The following MYO16 variants were observed in gnomAD, a reference collection of about 807,000 sequenced individuals.
MYO16 encodes the protein myosin XVI.
Under a neutral mutation model 205.3 loss-of-function variants are expected in MYO16, and 94 were observed. The observed-to-expected ratio is 0.46, with a 90% CI of 0.39 to 0.54. The LOEUF (loss-of-function observed/expected upper bound fraction) is 0.54. Ranked by LOEUF, MYO16 falls within the 20% of genes least tolerant of loss-of-function variation. MYO16 has a pLI of 0.00. For missense variants in MYO16, 2,315 were observed against 2,387.5 expected (o/e 0.97, Z 0.63); for synonymous variants, 988 against 954.0 (o/e 1.04, Z -0.66).
At chr13:109,032,831 C>T (rs1886584984) in intron 23 of MYO16, among the ~76,000 whole-genome samples, 1 of 152,038 alleles carries the variant, frequency 6.6e-6, no homozygotes, top group African/African-American at 2.4e-5. Context: ...ATGTAGATTT[C>T]AATATCAGAA....
intron 23 of MYO16, among the ~76,000 whole-genome samples, chr13:109,024,342 A>G (rs529978021): frequency 2.0e-5 from 3 of 152,100 alleles, no homozygotes; most frequent in African/African-American, 7.2e-5. Flanking sequence ...GTAAGCGGAT[A>G]TGTACTTGAT....
At chr13:108,968,205 A>G (rs1185506623) in intron 20 of MYO16, among the ~76,000 whole-genome samples, 2 of 152,082 alleles carry the variant, frequency 1.3e-5, no homozygotes, top group East Asian at 3.9e-4. Flanking sequence ...GCTGCATCAG[A>G]CACTCATGTG....
intron 27 of MYO16, among the ~76,000 whole-genome samples, chr13:109,088,646 G>A (rs542170602): frequency 3.3e-5 from 5 of 152,322 alleles, no homozygotes; most frequent in African/African-American, 1.2e-4. Flanking sequence ...GGATTAAGAC[G>A]GTGCTGCGGA....
chr13:109,064,497 T>C (rs1181972212), intron 27 of MYO16, among the ~76,000 whole-genome samples: 3 of 152,192 alleles, frequency 2.0e-5, no homozygotes, highest in African/African-American at 7.2e-5. Context: ...GAACAAAAAA[T>C]CCTAAATCAG....
chr13:109,190,391 T>C (rs758913491), intron 34 of MYO16, among the ~76,000 whole-genome samples: 1 of 152,186 alleles, frequency 6.6e-6, no homozygotes, highest in Admixed American at 6.5e-5. Context: ...TGACATATAA[T>C]CAGTCAGTGT....
At chr13:109,074,835 C>T (rs1366644757) in intron 27 of MYO16, among the ~76,000 whole-genome samples, 11 of 152,214 alleles carry the variant, frequency 7.2e-5, no homozygotes, top group Non-Finnish European at 1.5e-5. Flanking sequence ...GATCCAAACA[C>T]TTTCAACCAG....
intron 16 of MYO16, among the ~76,000 whole-genome samples, chr13:108,939,563 G>C (rs1387325723): frequency 1.3e-5 from 2 of 152,100 alleles, no homozygotes; most frequent in Non-Finnish European, 2.9e-5. Context: ...ATTTCCAGGT[G>C]GCTGAGGCAC....
At chr13:109,198,362 T>C (rs1435135137) in intron 34 of MYO16, among the ~76,000 whole-genome samples, 1 of 152,176 alleles carries the variant, frequency 6.6e-6, no homozygotes, top group African/African-American at 2.4e-5. Context: ...AACAACTGTT[T>C]AAATAGGTCA....
intron 27 of MYO16, among the ~76,000 whole-genome samples, chr13:109,088,436 A>G (rs1888509198): frequency 6.6e-6 from 1 of 152,174 alleles, no homozygotes; most frequent in Non-Finnish European, 1.5e-5. Context: ...ACCAGCTTTG[A>G]GTAAGAGAAC....
At chr13:108,635,204 T>G (rs1880167333) in intron 1 of MYO16, among the ~76,000 whole-genome samples, 3 of 152,190 alleles carry the variant, frequency 2.0e-5, no homozygotes, top group Admixed American at 2.0e-4. Flanking sequence ...CACTTCAGAT[T>G]ACCACAACCA....
At chr13:108,972,608 A>G (rs943884785) in intron 20 of MYO16, among the ~76,000 whole-genome samples, 3 of 150,910 alleles carry the variant, frequency 2.0e-5, no homozygotes, top group Non-Finnish European at 4.4e-5. Context: ...GGATTCACAG[A>G]ACACTATTAG....
At chr13:108,940,427 ACTCT>A (rs916058577) in intron 16 of MYO16, among the ~76,000 whole-genome samples, 3 of 152,004 alleles carry the variant, frequency 2.0e-5, no homozygotes, top group South Asian at 2.1e-4. Flanking sequence ...TTGATCAGAA[ACTCT>A]CTATGTGCAT....
At chr13:108,604,251 A>T (rs1038372863) in intron 1 of MYO16, among the ~76,000 whole-genome samples, 1 of 152,186 alleles carries the variant, frequency 6.6e-6, no homozygotes, top group Non-Finnish European at 1.5e-5. Flanking sequence ...ATACAGAGCC[A>T]GACTGTATCA....
the MYO16 span, among the ~76,000 whole-genome samples, chr13:108,544,066 CAAAA>C: frequency 1.9e-5 from 1 of 51,380 alleles, no homozygotes; most frequent in Non-Finnish European, 4.0e-5. Flanking sequence ...ACTCCGTCTC[CAAAA>C]AAAAAAAAAA....
chr13:108,924,389 G>A (rs1346781388), intron 16 of MYO16, among the ~76,000 whole-genome samples: 2 of 152,152 alleles, frequency 1.3e-5, no homozygotes, highest in Non-Finnish European at 1.5e-5. Flanking sequence ...ACTCTACAGA[G>A]TATCTTCCCC....
intron 1 of MYO16, among the ~76,000 whole-genome samples, chr13:108,648,350 A>G (rs1293314674): frequency 6.6e-6 from 1 of 152,178 alleles, no homozygotes; most frequent in Non-Finnish European, 1.5e-5. Flanking sequence ...ACATGTGTGC[A>G]CACTCAACCC....
intron 1 of MYO16, among the ~76,000 whole-genome samples, chr13:108,649,352 C>T (rs972923948): frequency 6.6e-6 from 1 of 152,172 alleles, no homozygotes; most frequent in African/African-American, 2.4e-5. Flanking sequence ...GGGCTCAGCC[C>T]AGTTCAGATT....
At chr13:108,763,186 G>T (rs549183904) in intron 4 of MYO16, among the ~76,000 whole-genome samples, 7 of 152,238 alleles carry the variant, frequency 4.6e-5, no homozygotes, top group South Asian at 2.1e-4. Flanking sequence ...GGAGTAACAA[G>T]GGAACAAGGT....
At chr13:108,786,106 T>C (rs1409530814) in intron 5 of MYO16, among the ~76,000 whole-genome samples, 1 of 152,216 alleles carries the variant, frequency 6.6e-6, no homozygotes, top group Non-Finnish European at 1.5e-5. Context: ...AACAAGGTCA[T>C]CTGAAGTGTA....
Sources: gnomAD v4.1 joint callset for allele counts (sites outside exome capture counted in the v4.1 genomes callset) on GRCh38, gnomAD v4.1.1 for gene constraint, MANE v1.5 for transcripts, NCBI Gene and HGNC (gene_info 2026-07-23, HGNC 2026-07-21) for gene names.